Variants in PCCA observed in about 807,000 individuals in gnomAD.
PCCA encodes the protein propionyl-CoA carboxylase alpha chain, mitochondrial.
In PCCA, 74 loss-of-function variants were observed where a neutral mutation model predicts 101.3. That is an observed-to-expected ratio of 0.73 (90% CI 0.61 to 0.89). PCCA has a LOEUF of 0.89. Ranked by LOEUF, PCCA falls within the 40% of genes least tolerant of loss-of-function variation. PCCA has a pLI of 0.00. For synonymous variants in PCCA, 294 were observed against 313.6 expected (o/e 0.94, Z 0.66); for missense variants, 891 against 907.0 (o/e 0.98, Z 0.23).
At chr13:100,118,041 G>T (rs1215220804) in intron 4 of PCCA, among the ~76,000 whole-genome samples, 1 of 151,402 alleles carries the variant, frequency 6.6e-6, no homozygotes, top group Admixed American at 6.6e-5. Flanking sequence ...GTGTGAACCC[G>T]GGAGGCGGAG....
intron 16 of PCCA, among the ~76,000 whole-genome samples, chr13:100,328,377 A>G (rs1218223476): frequency 6.6e-5 from 1 of 15,042 alleles, no homozygotes; most frequent in African/African-American, 2.1e-4. Context: ...AATATATAAT[A>G]ATAATAATAA....
At chr13:100,404,076 C>T (rs2077528361) in intron 19 of PCCA, among the ~76,000 whole-genome samples, 1 of 152,152 alleles carries the variant, frequency 6.6e-6, no homozygotes, top group African/African-American at 2.4e-5. Context: ...CTAAGCGTTC[C>T]CGGCAGAAGG....
At chr13:100,483,731 A>G (rs751722604) in intron 21 of PCCA, among the ~76,000 whole-genome samples, 1 of 152,202 alleles carries the variant, frequency 6.6e-6, no homozygotes, top group South Asian at 2.1e-4. Flanking sequence ...TGGAAGCCCC[A>G]TTTTAATTGT....
In PCCA at chr13:100,262,782, G is replaced by T; in HGVS notation, c.770G>T (p.Arg257Ile). The T allele has an allele frequency of 6.4e-7, 1 of 1,571,922 alleles. No homozygotes were observed. The highest frequency in any genetic ancestry group is 8.7e-7 in the Non-Finnish European group (1 of 1,147,322). Reference protein sequence around the residue: ...QEAASSFGDDRLLIEKFIDNP... With the variant: ...QEAASSFGDDILLIEKFIDNP... ...GCTGCTTCTAGTTTTGGCGATGATA[G>T]ACTACTAATAGAAAAATTTATTGAT... is the stretch of plus-strand genomic sequence containing the variant. The change falls in exon 10 of 24, where the codon AGA becomes ATA. Residue 257 changes from arginine to isoleucine, a missense_variant. Coordinates refer to ENST00000376285, the MANE Select transcript of PCCA (RefSeq NM_000282.4).
At chr13:100,328,689 ATTTTTTTTT>A (rs757599001) in intron 16 of PCCA, among the ~76,000 whole-genome samples, 2 of 98,202 alleles carry the variant, frequency 2.0e-5, no homozygotes, top group Admixed American at 1.3e-4. Context: ...GTTGAGGTTA[ATTTTTTTTT>A]TTTTTTTTTT....
At chr13:100,240,112 C>T (rs929595790) in intron 8 of PCCA, among the ~76,000 whole-genome samples, 1 of 152,136 alleles carries the variant, frequency 6.6e-6, no homozygotes. Context: ...TTTCACATAG[C>T]TGACAGTGAG....
intron 21 of PCCA, among the ~76,000 whole-genome samples, chr13:100,471,061 C>T (rs139988808): frequency 6.6e-6 from 1 of 152,264 alleles, no homozygotes; most frequent in Non-Finnish European, 1.5e-5. Flanking sequence ...TTAATCATTT[C>T]TAGCTTTTGA....
intron 19 of PCCA, among the ~76,000 whole-genome samples, chr13:100,401,329 T>A (rs1166840049): frequency 6.6e-6 from 1 of 152,102 alleles, no homozygotes; most frequent in South Asian, 2.1e-4. Context: ...CCACAACCTC[T>A]GCCTCCTGGG....
chr13:100,270,135 A>G (rs1332998812), intron 11 of PCCA, among the ~76,000 whole-genome samples: 2 of 152,252 alleles, frequency 1.3e-5, no homozygotes, highest in Non-Finnish European at 2.9e-5. Context: ...GCCCAGGAAC[A>G]GGATGTAAGA....
chr13:100,336,305 C>T (rs944186818), intron 17 of PCCA, among the ~76,000 whole-genome samples: 2 of 151,974 alleles, frequency 1.3e-5, no homozygotes, highest in African/African-American at 2.4e-5. Flanking sequence ...AAACAGAAAA[C>T]ACTACATGTA....
intron 4 of PCCA, among the ~76,000 whole-genome samples, chr13:100,137,817 T>A (rs2051367318): frequency 1.3e-5 from 2 of 151,838 alleles, no homozygotes; most frequent in African/African-American, 2.4e-5. Context: ...TTTTTTTTTT[T>A]TATTTTTTTC....
At chr13:100,356,311 A>G (rs998036659) in intron 18 of PCCA, among the ~76,000 whole-genome samples, 5 of 152,056 alleles carry the variant, frequency 3.3e-5, no homozygotes, top group African/African-American at 4.8e-5. Context: ...ATGATGAAGA[A>G]AGTGAAAAGA....
chr13:100,282,302 C>T (rs2064187644), intron 12 of PCCA, among the ~76,000 whole-genome samples: 1 of 152,260 alleles, frequency 6.6e-6, no homozygotes, highest in Non-Finnish European at 1.5e-5. Flanking sequence ...TCAGAGCCCT[C>T]GCTCGCTCTC....
In PCCA at chr13:100,368,504, G is replaced by A; in HGVS notation, c.1676G>A (p.Trp559Ter). 1 of 1,608,618 alleles carries A rather than the reference G, an allele frequency of 6.2e-7. No homozygotes were observed. Among genetic ancestry groups the A allele is most frequent in the African/African-American group, 1.3e-5 (1 of 74,628 alleles). The stretch of plus-strand genomic sequence containing the variant: ...GTTATTAAACCAGACATAGCCAACT[G>A]GGAGCTCTCAGTAAAATTGCATGAT... ...MPVIKPDIANWELSVKLHDKV... is the reference protein window; with the variant it reads ...MPVIKPDIAN Residue 559 changes from tryptophan (W) to a stop codon, truncating the protein, a stop_gained, in exon 19 of 24, where the codon TGG becomes TAG. Coordinates refer to ENST00000376285, the MANE Select transcript of PCCA (RefSeq NM_000282.4). LOFTEE classifies it high-confidence loss of function.
chr13:100,393,453 C>T (rs1447521336), intron 19 of PCCA, among the ~76,000 whole-genome samples: 2 of 137,594 alleles, frequency 1.5e-5, no homozygotes, highest in Non-Finnish European at 3.0e-5. Flanking sequence ...GAGTCACGCT[C>T]TGTCACCCAG....
chr13:100,526,378 C>T (rs1168765528), intron 22 of PCCA, among the ~76,000 whole-genome samples: 1 of 152,240 alleles, frequency 6.6e-6, no homozygotes, highest in African/African-American at 2.4e-5. Flanking sequence ...GTGCCAGCGC[C>T]AAAGCCTTGG....
At chr13:100,481,733 C>T (rs1423899822) in intron 21 of PCCA, among the ~76,000 whole-genome samples, 2 of 152,058 alleles carry the variant, frequency 1.3e-5, no homozygotes, top group African/African-American at 2.4e-5. Flanking sequence ...GATCTCCTCA[C>T]ACTACTCAGA....
intron 18 of PCCA, among the ~76,000 whole-genome samples, chr13:100,361,028 A>G (rs1301788573): frequency 1.3e-5 from 2 of 152,228 alleles, no homozygotes; most frequent in Non-Finnish European, 2.9e-5. Flanking sequence ...TGGTATGGGG[A>G]AAAAGCTAAT....
At chr13:100,527,099 TG>T (rs1348288708) in intron 22 of PCCA, among the ~76,000 whole-genome samples, 2 of 150,926 alleles carry the variant, frequency 1.3e-5, no homozygotes, top group Non-Finnish European at 3.0e-5. Flanking sequence ...TATTTGGTGG[TG>T]GTTTTTTTTT....
Sources: gnomAD v4.1 joint callset for allele counts (sites outside exome capture counted in the v4.1 genomes callset) on GRCh38, gnomAD v4.1.1 for gene constraint, MANE v1.5 for transcripts, NCBI Gene and HGNC (gene_info 2026-07-23, HGNC 2026-07-21) for gene names.